The following RAB37 variants were observed in gnomAD, a reference collection of about 807,000 sequenced individuals.
RAB37 encodes the protein RAB37, member RAS oncogene family.
Under a neutral mutation model 33.1 loss-of-function variants are expected in RAB37, and 29 were observed. That is an observed-to-expected ratio of 0.88 (90% CI 0.65 to 1.20). The LOEUF (loss-of-function observed/expected upper bound fraction) is 1.20. RAB37 is among the 50% of genes most tolerant of loss of function. The pLI is 0.00. For missense variants in RAB37, 299 were observed against 301.1 expected (o/e 0.99, Z 0.05); for synonymous variants, 128 against 119.5 (o/e 1.07, Z -0.47).
chr17:74,744,454 A>T lies in RAB37; in HGVS notation c.432+81A>T, dbSNP rs1555595948. ...GCCCCATAACCACCCAAGAACAGTT[A>T]TCTAGGCATCCTTCCTGAAAAGGAC... On this transcript the variant is annotated intron_variant, in intron 6 of 8. Coordinates refer to ENST00000392613, the MANE Select transcript of RAB37 (RefSeq NM_001006638.3). The surrounding 1 kb of genome is among the most constrained non-coding windows in gnomAD (Gnocchi z 4.2). 1 of 1,324,396 alleles carries T rather than the reference A, an allele frequency of 7.6e-7. No homozygotes were observed. Among genetic ancestry groups the T allele is most frequent in the South Asian group, 1.2e-5 (1 of 84,530 alleles). 82.0% of individuals were successfully genotyped at this position (1,324,396 alleles called of 1,614,324 possible).
chr17:74,743,851 A>G (rs12603894), intron 5 of RAB37, among the ~76,000 whole-genome samples: 15,044 of 152,238 alleles, frequency 0.099, 846 homozygotes, highest in East Asian at 0.15. Context: ...CAGTTTGCTG[A>G]TAAGCAAACT....
intron 1 of RAB37, among the ~76,000 whole-genome samples, chr17:74,714,732 C>T (rs2034140625): frequency 1.3e-5 from 2 of 152,108 alleles, no homozygotes; most frequent in Non-Finnish European, 1.5e-5. Context: ...AGTTTTGCCC[C>T]TCACTCTCCT....
At chr17:74,722,060 C>A (rs1215228190) in intron 1 of RAB37, among the ~76,000 whole-genome samples, 1 of 152,046 alleles carries the variant, frequency 6.6e-6, no homozygotes, top group Non-Finnish European at 1.5e-5. Flanking sequence ...CTTTGGGAGG[C>A]TGAGGACGGT....
intron 1 of RAB37, among the ~76,000 whole-genome samples, chr17:74,692,579 C>T (rs1260172417): frequency 6.6e-6 from 1 of 152,050 alleles, no homozygotes; most frequent in Non-Finnish European, 1.5e-5. Context: ...AGGGATAGCT[C>T]GTCATCTCTT....
chr17:74,733,490 GGTGTGATTTGAGGTGTGTGTGGTGAGGT>G (rs2034421286), upstream of RAB37, among the ~76,000 whole-genome samples: 1 of 152,190 alleles, frequency 6.6e-6, no homozygotes, highest in Non-Finnish European at 1.5e-5. Flanking sequence ...TGAGGTGTGT[GGTGTGATTTGAGGTGTGTGTGGTGAGGT>G]GTGTGGTGTG....
At position 74,744,771 on chromosome 17, in the gene RAB37, G is replaced by A; in HGVS notation, c.433-102G>A. The A allele has an allele frequency of 7.2e-7, 1 of 1,386,970 alleles. No homozygotes were observed. Among genetic ancestry groups the A allele is most frequent in the Non-Finnish European group, 1.0e-6 (1 of 974,188 alleles). 85.9% of individuals were successfully genotyped at this position (1,386,970 alleles called of 1,614,324 possible). A position where few individuals can be genotyped will look rare whatever the true frequency, so the allele number is the denominator to read the frequency against. ...CAATCACACCTGCCTGCAGTCCCTT[G>A]GGCCACCAGCAGAGGGCAGGCAACG... On this transcript the variant is annotated intron_variant, in intron 6 of 8. Coordinates refer to ENST00000392613, the MANE Select transcript of RAB37 (RefSeq NM_001006638.3). This position sits in a 1 kb window ranked among gnomAD's most constrained non-coding sequence, Gnocchi z 4.2.
At chr17:74,726,233 T>TA (rs11422240) in intron 1 of RAB37, among the ~76,000 whole-genome samples, 28,971 of 105,492 alleles carry the variant, frequency 0.27, 4,484 homozygotes, top group African/African-American at 0.48. Flanking sequence ...AGACTCTGCC[T>TA]AAAAAAAAAA....
intron 1 of RAB37, among the ~76,000 whole-genome samples, chr17:74,702,758 G>A (rs1019981318): frequency 3.3e-5 from 5 of 152,160 alleles, no homozygotes; most frequent in East Asian, 3.8e-4. Flanking sequence ...AGCTCAGCAC[G>A]GTGCAGCCAT....
At chr17:74,715,216 G>A (rs1401759679) in intron 1 of RAB37, among the ~76,000 whole-genome samples, 1 of 152,194 alleles carries the variant, frequency 6.6e-6, no homozygotes, top group Non-Finnish European at 1.5e-5. Flanking sequence ...CATACACCCT[G>A]TGACATCTTG....
At position 74,689,506 on chromosome 17, in the gene RAB37, G is replaced by A. The variant is rs143139554; in HGVS notation, c.72+17848G>A. 4.2e-3 allele frequency among the ~76,000 whole-genome samples: 639 copies of A among 152,098 alleles called. 5 individuals are homozygous for A. The highest frequency in any genetic ancestry group is 0.014 in the African/African-American group (595 of 41,484). On this transcript the variant is annotated intron_variant, in intron 1 of 7. Transcript: ENST00000340415. ...ACAGTATATCTCTTTTATGAGTTCCGGGTTTAACAAACTTTTTCAATGAAC... is the reference window on the plus strand; with the variant it reads ...ACAGTATATCTCTTTTATGAGTTCCAGGTTTAACAAACTTTTTCAATGAAC...
intron 1 of RAB37, among the ~76,000 whole-genome samples, chr17:74,720,796 C>A (rs910421604): frequency 6.6e-6 from 1 of 151,990 alleles, no homozygotes; most frequent in Non-Finnish European, 1.5e-5. Context: ...TACCCGGGTT[C>A]TTGTCAGGTG....
rs142764302 is a variant in RAB37, at chr17:74,686,457, C to T, written c.72+14799C>T. Among the ~76,000 whole-genome samples the T allele has an allele frequency of 1.6e-3, 249 of 152,226 alleles. 3 individuals carry two copies. In the East Asian group the frequency reaches 0.017, roughly 10 times the overall value. ...CCAGGCTGGAGTACAGTGGCACCAT[C>T]TCAGCTCACTGCAACCTCTACCTCC... is the stretch of plus-strand genomic sequence containing the variant. On this transcript the variant is annotated intron_variant, in intron 1 of 7. Coordinates refer to the RAB37 transcript ENST00000340415.
chr17:74,717,913 G>A (rs1461112816), intron 1 of RAB37, among the ~76,000 whole-genome samples: 1 of 152,050 alleles, frequency 6.6e-6, no homozygotes, highest in African/African-American at 2.4e-5. Flanking sequence ...TCCCTGAGGA[G>A]TGGGTCCTCA....
intron 1 of RAB37, among the ~76,000 whole-genome samples, chr17:74,720,402 T>C (rs1033673637): frequency 3.9e-5 from 6 of 151,948 alleles, no homozygotes; most frequent in African/African-American, 1.4e-4. Context: ...GTGGCCAACA[T>C]GGCGAAACCC....
At chr17:74,697,927 C>T (rs1321102998) in intron 1 of RAB37, among the ~76,000 whole-genome samples, 3 of 152,118 alleles carry the variant, frequency 2.0e-5, no homozygotes, top group Non-Finnish European at 4.4e-5. Context: ...TGCCCATGAT[C>T]GCGCATGTGT....
Position 74,746,078 on chromosome 17 carries a change from C to CA in RAB37, c.*668dup, listed in dbSNP as rs1222163443. 1 of 152,204 alleles carries CA rather than the reference C, an allele frequency of 6.6e-6. No homozygotes were observed. The highest frequency in any genetic ancestry group is 6.5e-5 in the Admixed American group (1 of 15,280). The allele number at this position is 152,204 out of a possible 1,614,324, so 9.4% of individuals were successfully genotyped here. The stretch of plus-strand genomic sequence containing the variant: ...GCCCCTTTTCTCCAGCACACAAGCA[C>CA]ATTGGGGCACCTGGAAATATTGGTT... On this transcript the variant is annotated 3_prime_UTR_variant, in exon 9 of 9. Coordinates refer to ENST00000392613, the MANE Select transcript of RAB37 (RefSeq NM_001006638.3). This position sits in a 1 kb window ranked among gnomAD's most constrained non-coding sequence, Gnocchi z 5.2.
rs942120933 is a variant in RAB37, at chr17:74,745,148, G to A, written c.566+64G>A. 5.7e-6 allele frequency: 9 copies of A among 1,586,960 alleles called. No individual in the cohort carries two copies. The South Asian group carries it at 1.0e-4, about 18-fold the overall frequency. ...GCGGCACACTCCAGGAATCCAGTAG[G>A]GCCCGGCCCCTGGCCCAGCCCCTGG... On this transcript the variant is annotated intron_variant, in intron 8 of 8. Coordinates refer to ENST00000392613, the MANE Select transcript of RAB37 (RefSeq NM_001006638.3). This position sits in a 1 kb window ranked among gnomAD's most constrained non-coding sequence, Gnocchi z 4.5.
Position 74,671,555 on chromosome 17 carries a change from G to A in RAB37, c.-32G>A, listed in dbSNP as rs1218421651. The A allele has an allele frequency of 1.9e-6, 3 of 1,611,124 alleles. No individual in the cohort carries two copies. Among genetic ancestry groups the A allele is most frequent in the South Asian group, 1.1e-5 (1 of 91,016 alleles). On this transcript the variant is annotated 5_prime_UTR_variant, in exon 1 of 8. Coordinates refer to the RAB37 transcript ENST00000340415. This position sits in a 1 kb window ranked among gnomAD's most constrained non-coding sequence, Gnocchi z 5.0. ...CTGGAAGCGCTGACGCAGAGCGCAGGGAGAGCCGGAGCGGCGAGCTCCAAG... is the reference window on the plus strand; with the variant it reads ...CTGGAAGCGCTGACGCAGAGCGCAGAGAGAGCCGGAGCGGCGAGCTCCAAG...
chr17:74,736,856 G>A (rs531545116), upstream of RAB37: 69 of 1,523,818 alleles, frequency 4.5e-5, no homozygotes, highest in East Asian at 1.6e-3. Context: ...TCCCCGCCTC[G>A]CCACCTGGGG....
Sources: gnomAD v4.1 joint callset for allele counts (sites outside exome capture counted in the v4.1 genomes callset) on GRCh38, gnomAD v4.1.1 for gene constraint, Gnocchi (gnomAD v3.1) non-coding constraint, MANE v1.5 for transcripts, NCBI Gene and HGNC (gene_info 2026-07-23, HGNC 2026-07-21) for gene names.